The following GPHN variants were observed in gnomAD, a reference collection of about 807,000 sequenced individuals.
GPHN encodes the protein gephyrin.
GPHN carries 17 observed loss-of-function variants against 95.5 expected under a neutral mutation model. The observed-to-expected ratio is 0.18, with a 90% CI of 0.12 to 0.27. GPHN has a LOEUF of 0.27. Ranked by LOEUF, GPHN falls within the 10% of genes least tolerant of loss-of-function variation. The probability of loss-of-function intolerance (pLI) is 1.00; values close to 1 mark genes in which losing one functional copy is unlikely to be tolerated. For missense variants in GPHN, 660 were observed against 978.1 expected (o/e 0.67, Z 4.34); for synonymous variants, 320 against 322.5 (o/e 0.99, Z 0.08).
At chr14:66,776,633 A>C in intron 3 of GPHN, 112 bp downstream of exon 3, 1 of 765,572 alleles carries the variant, frequency 1.3e-6, no homozygotes, top group Non-Finnish European at 2.4e-6. Context: ...AATATTATTT[A>C]ATTCTCAGTT....
At chr14:67,450,798 G>A in the GPHN span, among the ~76,000 whole-genome samples, 1 of 152,232 alleles carries the variant, frequency 6.6e-6, no homozygotes, top group Admixed American at 6.5e-5. Context: ...TCTCTGAGGA[G>A]AAATTCAAGC....
chr14:67,675,744 G>A, the GPHN span, among the ~76,000 whole-genome samples: 1 of 152,052 alleles, frequency 6.6e-6, no homozygotes, highest in East Asian at 1.9e-4. Context: ...GGTCTCATCT[G>A]CCACTAAGTG....
At chr14:67,419,956 G>GTCCA in the GPHN span, among the ~76,000 whole-genome samples, 4 of 152,144 alleles carry the variant, frequency 2.6e-5, no homozygotes, top group Admixed American at 6.5e-5. Context: ...CAGGAATCAT[G>GTCCA]TCCATACCCA....
intron 9 of GPHN, among the ~76,000 whole-genome samples, chr14:67,018,467 G>T (rs911299546): frequency 3.9e-5 from 6 of 152,126 alleles, no homozygotes; most frequent in African/African-American, 1.4e-4. Context: ...GCAACAGCTT[G>T]TCTAAGGTCT....
At chr14:67,642,793 C>CT in the GPHN span, among the ~76,000 whole-genome samples, 25,197 of 74,270 alleles carry the variant, frequency 0.34, 9,811 homozygotes, top group Non-Finnish European at 0.44. Context: ...ACTACATTTT[C>CT]TTTTTTTTTT....
intron 4 of GPHN, among the ~76,000 whole-genome samples, chr14:66,845,580 G>T (rs2062287654): frequency 6.6e-6 from 1 of 152,040 alleles, no homozygotes. Context: ...AGAGGAGAGA[G>T]GTAGGCATTT....
At chr14:66,659,159 A>AGT (rs140002322) in intron 1 of GPHN, among the ~76,000 whole-genome samples, 2 of 150,440 alleles carry the variant, frequency 1.3e-5, no homozygotes, top group African/African-American at 2.4e-5. Flanking sequence ...CAGTTTACAG[A>AGT]GTGTGTGTGT....
chr14:66,805,423 A>T (rs939352109), intron 3 of GPHN, among the ~76,000 whole-genome samples: 6 of 152,112 alleles, frequency 3.9e-5, no homozygotes, highest in African/African-American at 1.4e-4. Flanking sequence ...ATACCCAATC[A>T]TGCCTTCTCA....
At chr14:66,817,602 C>T (rs747204101) in intron 3 of GPHN, among the ~76,000 whole-genome samples, 10 of 152,098 alleles carry the variant, frequency 6.6e-5, no homozygotes, top group Non-Finnish European at 1.2e-4. Flanking sequence ...AATATTTTCT[C>T]ATGTCATTAT....
In GPHN at chr14:66,942,292, G is replaced by C. The variant is rs868358792; in HGVS notation, c.828+18000G>C. Among the ~76,000 whole-genome samples, 3 of 152,216 alleles carry C rather than the reference G, an allele frequency of 2.0e-5. No homozygotes were observed. The South Asian group carries it at 6.2e-4, about 32-fold the overall frequency. On this transcript the variant is annotated intron_variant, in intron 8 of 22. Coordinates refer to ENST00000478722, the MANE Select transcript of GPHN (RefSeq NM_020806.5). ...TTCCCAAAGTGCTGGGATTACAGGC[G>C]TGAGCCACCACGCCTGGCCCCATTT... is the stretch of plus-strand genomic sequence containing the variant.
chr14:66,662,926 AAAAAAGAATG>A (rs773623369), intron 1 of GPHN, among the ~76,000 whole-genome samples: 21 of 152,210 alleles, frequency 1.4e-4, no homozygotes, highest in Non-Finnish European at 2.5e-4. Context: ...AGGAATAGAG[AAAAAAGAATG>A]AAAAAGAATG....
intron 1 of GPHN, chr14:66,551,227 A>G (rs572742363): frequency 6.6e-6 from 1 of 152,384 alleles, no homozygotes. Context: ...CACTCTTAAT[A>G]GAATACAGTA....
At chr14:67,067,857 G>A (rs1273322252) in intron 11 of GPHN, among the ~76,000 whole-genome samples, 1 of 152,206 alleles carries the variant, frequency 6.6e-6, no homozygotes, top group Non-Finnish European at 1.5e-5. Context: ...GGTACAATCT[G>A]TCACGGCTTC....
chr14:66,583,748 T>TCTGTTTTGGTACCAGTACCATG (rs1485099792), intron 1 of GPHN, among the ~76,000 whole-genome samples: 20 of 152,166 alleles, frequency 1.3e-4, no homozygotes, highest in African/African-American at 3.9e-4. Flanking sequence ...GGTCTATATC[T>TCTGTTTTGGTACCAGTACCATG]CTGTTTTGGT....
At chr14:67,268,386 T>G in the GPHN span, among the ~76,000 whole-genome samples, 1 of 152,172 alleles carries the variant, frequency 6.6e-6, no homozygotes, top group South Asian at 2.1e-4. Context: ...GGATCTTGCA[T>G]GAGAAAGAAT....
intron 16 of GPHN, among the ~76,000 whole-genome samples, chr14:67,120,998 A>G (rs1327827691): frequency 4.6e-5 from 7 of 152,206 alleles, no homozygotes; most frequent in Admixed American, 3.9e-4. Flanking sequence ...ACTATCACTA[A>G]TGAGTCTGAA....
the GPHN span, chr14:67,208,332 A>G: frequency 2.5e-6 from 4 of 1,614,014 alleles, no homozygotes; most frequent in Non-Finnish European, 3.4e-6. Flanking sequence ...AGATATTTTC[A>G]AACTACCTTG....
chr14:66,692,727 G>A (rs1172574144), intron 2 of GPHN, among the ~76,000 whole-genome samples: 1 of 152,166 alleles, frequency 6.6e-6, no homozygotes, highest in East Asian at 1.9e-4. Flanking sequence ...TAAAGACATT[G>A]TATTAGATTG....
At chr14:67,717,222 A>G in the GPHN span, among the ~76,000 whole-genome samples, 20,075 of 152,190 alleles carry the variant, frequency 0.13, 1,367 homozygotes, top group East Asian at 0.21. Flanking sequence ...AAAGGCATAG[A>G]CTCATGTAAC....
Sources: gnomAD v4.1 joint callset for allele counts (sites outside exome capture counted in the v4.1 genomes callset) on GRCh38, gnomAD v4.1.1 for gene constraint, MANE v1.5 for transcripts, NCBI Gene and HGNC (gene_info 2026-07-23, HGNC 2026-07-21) for gene names.